The following FGGY variants were observed in gnomAD, a reference collection of about 807,000 sequenced individuals.
FGGY encodes FGGY carbohydrate kinase domain-containing protein.
FGGY carries 72 observed loss-of-function variants against 71.3 expected under a neutral mutation model. The ratio of observed to expected loss-of-function variants is 1.01; its 90% CI spans 0.84 to 1.23. FGGY has a LOEUF of 1.23. FGGY is among the 50% of genes most tolerant of loss of function. The pLI, the probability that FGGY is intolerant of heterozygous loss-of-function variation, is 0.00. For synonymous variants in FGGY, 251 were observed against 250.3 expected, an observed-to-expected ratio of 1.00 and a Z score of -0.02; for missense variants, 668 against 682.3, an observed-to-expected ratio of 0.98 and a Z score of 0.23.
At chr1:59,595,410 G>T (rs1410734543) in intron 8 of FGGY, among the ~76,000 whole-genome samples, 2 of 152,074 alleles carry the variant, frequency 1.3e-5, no homozygotes, top group East Asian at 1.9e-4. Context: ...ACAATCTCTG[G>T]CCTGGCGCGG....
chr1:59,494,756 G>A (rs543963443), intron 6 of FGGY, among the ~76,000 whole-genome samples: 30 of 152,248 alleles, frequency 2.0e-4, no homozygotes, highest in African/African-American at 7.2e-4. Flanking sequence ...GAAAAATATA[G>A]CAGCATATTC....
intron 8 of FGGY, among the ~76,000 whole-genome samples, chr1:59,604,294 A>G (rs1260462599): frequency 1.3e-5 from 2 of 152,270 alleles, no homozygotes; most frequent in African/African-American, 4.8e-5. Flanking sequence ...ACATAAGTAC[A>G]CAAGTGTACA....
intron 5 of FGGY, among the ~76,000 whole-genome samples, chr1:59,413,552 C>T (rs903941392): frequency 2.6e-5 from 4 of 152,120 alleles, no homozygotes; most frequent in African/African-American, 9.7e-5. Flanking sequence ...GCATGAATAA[C>T]AGTGGCAGTC....
intron 6 of FGGY, among the ~76,000 whole-genome samples, chr1:59,512,055 T>C (rs1219541109): frequency 2.0e-5 from 3 of 152,226 alleles, no homozygotes; most frequent in African/African-American, 7.2e-5. Context: ...TTTCCCATTT[T>C]CAGAATCTTT....
intron 1 of FGGY, among the ~76,000 whole-genome samples, chr1:59,301,988 T>C (rs2042830775): frequency 6.6e-6 from 1 of 151,734 alleles, no homozygotes; most frequent in Non-Finnish European, 1.5e-5. Flanking sequence ...CTGCCCTCCT[T>C]GGCCTCCCAA....
intron 12 of FGGY, 144 bp downstream of exon 12, chr1:59,660,437 C>T (rs1235068153): frequency 1.1e-5 from 6 of 565,126 alleles, no homozygotes; most frequent in Non-Finnish European, 1.8e-5. Flanking sequence ...TCTTGTATGT[C>T]TGGAAGGAAG....
intron 5 of FGGY, among the ~76,000 whole-genome samples, chr1:59,413,383 T>C (rs963162624): frequency 6.6e-6 from 1 of 152,068 alleles, no homozygotes; most frequent in Non-Finnish European, 1.5e-5. Flanking sequence ...GATGAGTACA[T>C]GGGAGAAAGA....
intron 14 of FGGY, among the ~76,000 whole-genome samples, chr1:59,678,824 C>T (rs1030725789): frequency 6.6e-6 from 1 of 152,130 alleles, no homozygotes; most frequent in African/African-American, 2.4e-5. Context: ...GAGACAGTGA[C>T]AAGAGATCAA....
At chr1:59,528,322 C>A (rs565559366) in intron 7 of FGGY, among the ~76,000 whole-genome samples, 1 of 152,300 alleles carries the variant, frequency 6.6e-6, no homozygotes, top group Middle Eastern at 3.4e-3. Flanking sequence ...TGGACAGCAA[C>A]TTTTATGGCT....
intron 6 of FGGY, among the ~76,000 whole-genome samples, chr1:59,499,049 T>C (rs2094136031): frequency 6.6e-6 from 1 of 152,162 alleles, no homozygotes; most frequent in Non-Finnish European, 1.5e-5. Context: ...CTTTAATGCT[T>C]CCAAGATGGA....
At chr1:59,687,760 G>A (rs946226978) in intron 14 of FGGY, among the ~76,000 whole-genome samples, 5 of 151,848 alleles carry the variant, frequency 3.3e-5, no homozygotes, top group African/African-American at 7.3e-5. Context: ...GAGCCACCAC[G>A]TCTGGCTGAA....
intron 1 of FGGY, among the ~76,000 whole-genome samples, chr1:59,314,065 A>G (rs2044917646): frequency 6.6e-6 from 1 of 151,560 alleles, no homozygotes; most frequent in Non-Finnish European, 1.5e-5. Context: ...TCCCAGGTTC[A>G]CGCCATTCTC....
At chr1:59,383,443 C>T (rs2059715007) in intron 5 of FGGY, among the ~76,000 whole-genome samples, 1 of 152,074 alleles carries the variant, frequency 6.6e-6, no homozygotes, top group African/African-American at 2.4e-5. Context: ...TCTAAGGCCC[C>T]CCGCCATCTG....
intron 6 of FGGY, among the ~76,000 whole-genome samples, chr1:59,490,905 T>G (rs558356126): frequency 1.4e-4 from 22 of 152,168 alleles, no homozygotes; most frequent in African/African-American, 5.1e-4. Context: ...CTGCCAATAC[T>G]GTGCTGTTAC....
intron 14 of FGGY, among the ~76,000 whole-genome samples, chr1:59,704,580 A>G (rs1177756829): frequency 6.6e-6 from 1 of 152,206 alleles, no homozygotes; most frequent in African/African-American, 2.4e-5. Context: ...TTTTTTATCT[A>G]CAAGATACTT....
intron 12 of FGGY, among the ~76,000 whole-genome samples, chr1:59,666,533 C>T (rs1391210187): frequency 6.6e-6 from 1 of 152,154 alleles, no homozygotes; most frequent in Non-Finnish European, 1.5e-5. Context: ...AACTCTAAGG[C>T]AATAATGGTT....
chr1:59,396,484 C>T (rs911112730), intron 5 of FGGY, among the ~76,000 whole-genome samples: 3 of 152,070 alleles, frequency 2.0e-5, no homozygotes, highest in Non-Finnish European at 2.9e-5. Context: ...GTCTCAGACT[C>T]CCCTAACTGG....
chr1:59,573,600 A>G (rs2096026508), intron 8 of FGGY, among the ~76,000 whole-genome samples: 1 of 152,190 alleles, frequency 6.6e-6, no homozygotes, highest in Non-Finnish European at 1.5e-5. Context: ...CAACTATTTC[A>G]TAAGTGTTAA....
intron 11 of FGGY, among the ~76,000 whole-genome samples, chr1:59,645,399 T>C (rs2097083803): frequency 6.6e-6 from 1 of 152,152 alleles, no homozygotes; most frequent in African/African-American, 2.4e-5. Context: ...CAGCCAGCCG[T>C]GGGCCTCCCA....
Sources: allele counts gnomAD v4.1 joint callset (sites outside exome capture counted in the v4.1 genomes callset), GRCh38; gene constraint gnomAD v4.1.1; transcripts MANE v1.5; gene names NCBI Gene and HGNC (gene_info 2026-07-23, HGNC 2026-07-21).